Variants in SLC26A3 observed in about 807,000 individuals in gnomAD.
SLC26A3 encodes the protein chloride anion exchanger.
SLC26A3 carries 64 observed loss-of-function variants against 85.6 expected under a neutral mutation model. That is an observed-to-expected ratio of 0.75 (90% confidence interval 0.61 to 0.92). The LOEUF is 0.92. Among genes scored for constraint, SLC26A3 ranks in the 40% least tolerant of loss-of-function variants. The pLI is 0.00. For missense variants in SLC26A3, 922 were observed against 927.3 expected (o/e 0.99, Z 0.07); for synonymous variants, 349 against 336.0 (o/e 1.04, Z -0.42).
At position 107,779,775 on chromosome 7, in the gene SLC26A3, A is replaced by C. The variant is rs377253719; in HGVS notation, c.1312-12T>G. On this transcript the variant is annotated splice_polypyrimidine_tract_variant and intron_variant, in intron 11 of 20. Transcript: ENST00000340010. Reference sequence around the variant, plus strand: ...GCTGCCAGGACGGACTGTGAAAAACACAAACATCAGATGTACTTTAAGTTA... The same window carrying C: ...GCTGCCAGGACGGACTGTGAAAAACCCAAACATCAGATGTACTTTAAGTTA... 55 of 1,603,640 alleles carry C rather than the reference A, an allele frequency of 3.4e-5. No homozygotes were observed. The African/African-American group carries it at 6.9e-4, about 20-fold the overall frequency.
chr7:107,770,024 TTCTTTCTTTCTTTCTTTCTTTCTTTCTC>T (rs1793984336), intron 18 of SLC26A3, among the ~76,000 whole-genome samples: 2 of 43,914 alleles, frequency 4.6e-5, no homozygotes, highest in Non-Finnish European at 9.0e-5. Context: ...CTTTCTTTCT[TTCTTTCTTTCTTTCTTTCTTTCTTTCTC>T]TTTTCTTTCT....
intron 6 of SLC26A3, 60 bp from the exon 7 acceptor site, chr7:107,787,569 C>T (rs553267155): frequency 1.3e-5 from 18 of 1,398,942 alleles, no homozygotes; most frequent in East Asian, 2.3e-5. Context: ...TTGGATACAA[C>T]GCATCTCCAA....
chr7:107,770,000 C>CTCTCTT (rs1554377065), intron 18 of SLC26A3, among the ~76,000 whole-genome samples: 1 of 130,994 alleles, frequency 7.6e-6, no homozygotes, highest in Admixed American at 8.1e-5. Flanking sequence ...TTCCTTTTTT[C>CTCTCTT]TCTTTCTTTC....
chr7:107,794,667 C>G (rs759906715), intron 1 of SLC26A3, 70 bp from the exon 2 acceptor site: 2 of 762,334 alleles, frequency 2.6e-6, no homozygotes, highest in Non-Finnish European at 2.3e-6. Flanking sequence ...GATGAGTGAG[C>G]TCCGAACTGA....
intron 5 of SLC26A3, among the ~76,000 whole-genome samples, chr7:107,790,597 A>C (rs527562238): frequency 6.6e-6 from 1 of 152,258 alleles, no homozygotes; most frequent in South Asian, 2.1e-4. Context: ...GTTTTCCCCA[A>C]AATTGACATG....
At position 107,767,899 on chromosome 7, in the gene SLC26A3, A is replaced by G. The variant is rs781608379; in HGVS notation, c.2072T>C (p.Ile691Thr). 2.5e-6 allele frequency: 4 copies of G among 1,613,572 alleles called. No homozygotes were observed. The highest frequency in any genetic ancestry group is 1.1e-5 in the South Asian group (1 of 91,064). Residue 691 changes from isoleucine (I) to threonine (T), a missense_variant, in exon 19 of 21, where the codon ATT (isoleucine) becomes ACT (threonine). Physicochemically the swap from Ile to Thr is moderately conservative, Grantham distance 89. Coordinates refer to ENST00000340010, the MANE Select transcript of SLC26A3 (RefSeq NM_000111.3). Reference protein sequence around the residue: ...VYIVGTDDDFIEKLNRYEFFD... With the variant: ...VYIVGTDDDFTEKLNRYEFFD... ...AAATTCATACCGGTTAAGCTTCTCA[A>G]TGAAGTCATCTGAAGAGAAAAAAAC...
At chr7:107,796,153 G>C (rs1050726232) in intron 1 of SLC26A3, among the ~76,000 whole-genome samples, 2 of 151,706 alleles carry the variant, frequency 1.3e-5, no homozygotes, top group African/African-American at 4.8e-5. Flanking sequence ...TGTCGCTTGG[G>C]GTAGAGTGCA....
rs773720855 is a variant in SLC26A3 at position 107,791,911 on chromosome 7, G to T, written c.301C>A (p.Pro101Thr). 1.2e-5 allele frequency: 20 copies of T among 1,613,366 alleles called. No homozygotes were observed. The highest frequency in any genetic ancestry group is 1.6e-5 in the Non-Finnish European group (19 of 1,179,410). ...GATGCATACAACCCATAGACTGGGGGAATGTCGACCAGCAGAGCAAATGCT... is the reference window on the plus strand; with the variant it reads ...GATGCATACAACCCATAGACTGGGGTAATGTCGACCAGCAGAGCAAATGCT... ...GLAFALLVDI[P>T]PVYGLYASFF... The change falls in exon 4 of 21, where the codon CCC (proline) becomes ACC (threonine). Residue 101 changes from proline to threonine, a missense_variant. By Grantham distance (38) the Pro-to-Thr change is conservative. Transcript: ENST00000340010.
intron 12 of SLC26A3, among the ~76,000 whole-genome samples, chr7:107,779,157 T>C (rs1054909912): frequency 1.3e-5 from 2 of 152,220 alleles, no homozygotes; most frequent in Non-Finnish European, 2.9e-5. Context: ...TTATGATCTT[T>C]AAATACCTAA....
intron 7 of SLC26A3, 21 bp from the exon 8 acceptor site, chr7:107,786,930 C>T (rs1480856429): frequency 1.2e-6 from 2 of 1,604,770 alleles, no homozygotes; most frequent in Non-Finnish European, 1.7e-6. Flanking sequence ...GCAAATGGCC[C>T]AAGTTAGAAA....
intron 15 of SLC26A3, 103 bp downstream of exon 15, chr7:107,776,349 A>C (rs1207226272): frequency 2.1e-6 from 2 of 959,024 alleles, no homozygotes; most frequent in African/African-American, 3.2e-5. Flanking sequence ...CCACCTCAAC[A>C]TATGTGACAC....
At chr7:107,786,613 GAAA>G (rs200098446) in intron 8 of SLC26A3, among the ~76,000 whole-genome samples, 6 of 132,408 alleles carry the variant, frequency 4.5e-5, no homozygotes, top group Admixed American at 7.5e-5. Flanking sequence ...GTGGGGAGGC[GAAA>G]AAAAAAAAAA....
At position 107,779,658 on chromosome 7, in the gene SLC26A3, C is replaced by T; in HGVS notation, c.1407+10G>A. 2 of 1,589,684 alleles carry T rather than the reference C, an allele frequency of 1.3e-6. No individual in the cohort carries two copies. The highest frequency in any genetic ancestry group is 1.7e-6 in the Non-Finnish European group (2 of 1,157,822). On this transcript the variant is annotated intron_variant, in intron 12 of 20. Coordinates refer to ENST00000340010, the MANE Select transcript of SLC26A3 (RefSeq NM_000111.3). ...TTATCTCTCTTTCAAATACTATTGC[C>T]TCTACTTACACAATCATATTTGTCC...
chr7:107,788,784 CTTT>C (rs71861759), intron 6 of SLC26A3, among the ~76,000 whole-genome samples: 4 of 108,056 alleles, frequency 3.7e-5, no homozygotes, highest in East Asian at 2.8e-4. Flanking sequence ...TTTTTCTTTT[CTTT>C]TTTTTTTTTT....
Position 107,765,482 on chromosome 7 carries a change from A to G in SLC26A3, c.*373T>C, listed in dbSNP as rs1793897001. 2 of 180,576 alleles carry G rather than the reference A, an allele frequency of 1.1e-5. No homozygotes were observed. Among genetic ancestry groups the G allele is most frequent in the South Asian group, 2.5e-4 (2 of 8,058 alleles). 11.2% of individuals were successfully genotyped at this position (180,576 alleles called of 1,614,324 possible). ...ACAAGACACATCCACTGTACAACTG[A>G]TTTTTTAATGGAAATATATTAATAT... On this transcript the variant is annotated 3_prime_UTR_variant, in exon 21 of 21. Transcript: ENST00000340010.
intron 4 of SLC26A3, 144 bp downstream of exon 4, chr7:107,791,686 T>C: frequency 1.7e-6 from 1 of 583,106 alleles, no homozygotes; most frequent in Non-Finnish European, 3.2e-6. Context: ...CTGCCCTCCA[T>C]CTCAAACCCT....
chr7:107,791,059 C>A lies in SLC26A3; in HGVS notation c.559G>T (p.Gly187Ter), dbSNP rs121913032. Reference sequence around the variant, plus strand: ...GAGAAGGTGCTCACCTGGATGATTCCAGAAAGCACTGTGACTGATGCCGCC... The same window carrying A: ...GAGAAGGTGCTCACCTGGATGATTCAAGAAAGCACTGTGACTGATGCCGCC... ...AAAASVTVLS[G>*]IIQLAFGILR... The change falls in exon 5 of 21, where the codon GGA (glycine) becomes TGA (stop). Residue 187 changes from glycine to a stop codon, truncating the protein, a stop_gained. Coordinates refer to ENST00000340010, the MANE Select transcript of SLC26A3 (RefSeq NM_000111.3). LOFTEE classifies it high-confidence loss of function. The A allele has an allele frequency of 6.2e-7, 1 of 1,613,770 alleles. No individual in the cohort carries two copies. Among genetic ancestry groups the A allele is most frequent in the Middle Eastern group, 1.7e-4 (1 of 5,844 alleles).
At chr7:107,781,239 G>A (rs973392054) in intron 11 of SLC26A3, among the ~76,000 whole-genome samples, 1 of 152,106 alleles carries the variant, frequency 6.6e-6, no homozygotes, top group Non-Finnish European at 1.5e-5. Flanking sequence ...AAGAGAAAAC[G>A]CTTAGAGCTC....
At chr7:107,777,504 C>T (rs41670) in intron 13 of SLC26A3, among the ~76,000 whole-genome samples, 91,100 of 151,938 alleles carry the variant, frequency 0.6, 27,862 homozygotes, top group African/African-American at 0.71. Flanking sequence ...GTAGAAGAAT[C>T]GCTTGAACCC....
Sources: allele counts gnomAD v4.1 joint callset (sites outside exome capture counted in the v4.1 genomes callset), GRCh38; gene constraint gnomAD v4.1.1; transcripts MANE v1.5; gene names NCBI Gene and HGNC (gene_info 2026-07-23, HGNC 2026-07-21).